The following ARL13A variants were observed in gnomAD, a reference collection of about 807,000 sequenced individuals.
ARL13A encodes ARF like GTPase 13A.
Under a neutral mutation model 19.1 loss-of-function variants are expected in ARL13A, and 16 were observed. The ratio of observed to expected loss-of-function variants is 0.84; its 90% CI spans 0.57 to 1.27. The LOEUF is 1.27. Ranked by LOEUF, ARL13A falls within the 50% of genes most tolerant of loss-of-function variation. The pLI is 0.00. For missense variants in ARL13A, 153 were observed against 186.4 expected (o/e 0.82, Z 1.04); for synonymous variants, 69 against 71.3 (o/e 0.97, Z 0.17).
At chrX:100,975,176 G>A (rs778764145) in intron 3 of ARL13A, among the ~76,000 whole-genome samples, 9 of 112,010 alleles carry the variant, frequency 8.0e-5, no homozygotes, top group South Asian at 3.7e-4. Flanking sequence ...GTTGGTCCCT[G>A]AGTCCTCCTC....
intron 3 of ARL13A, among the ~76,000 whole-genome samples, chrX:100,983,304 A>G (rs1054719376): frequency 9.0e-6 from 1 of 111,547 alleles, no homozygotes. Flanking sequence ...AAAAAAATAT[A>G]TAAAGCTTTT....
intron 7 of ARL13A, chrX:100,990,219 AC>A: frequency 2.5e-6 from 1 of 396,965 alleles, no homozygotes; most frequent in Non-Finnish European, 3.2e-6. Context: ...TGCAGTCTAT[AC>A]CCTGTTGGAA....
chrX:100,972,235 A>T (rs2085663406), intron 1 of ARL13A, among the ~76,000 whole-genome samples: 2 of 99,106 alleles, frequency 2.0e-5, no homozygotes, highest in South Asian at 1.1e-3. Context: ...GTTCTCAATG[A>T]GCTGTTGGGC....
intron 3 of ARL13A, among the ~76,000 whole-genome samples, chrX:100,984,160 C>G (rs2085903255): frequency 9.4e-6 from 1 of 106,618 alleles, no homozygotes; most frequent in Non-Finnish European, 1.9e-5. Context: ...GTCCCCCATG[C>G]TGGAGTGCAG....
rs189534398 is a variant in ARL13A, at chrX:100,982,507, A to G, written c.131-3160A>G. Among the ~76,000 whole-genome samples, 805 of 92,377 alleles carry G rather than the reference A, an allele frequency of 8.7e-3. 7 individuals are homozygous for G. The highest frequency in any genetic ancestry group is 0.029 in the African/African-American group (764 of 26,091). The allele number at this position is 92,377 out of a possible 115,157, so 80.2% of individuals were successfully genotyped here. A position where few individuals can be genotyped will look rare whatever the true frequency, so the allele number is the denominator to read the frequency against. On this transcript the variant is annotated intron_variant, in intron 3 of 7. Coordinates refer to ENST00000450049, the MANE Select transcript of ARL13A (RefSeq NM_001162491.2). ...TAAATAAATAAATAAATAAATAAAT[A>G]AAATGCTCTACAGGTGATCATGGAG...
intron 3 of ARL13A, among the ~76,000 whole-genome samples, chrX:100,975,631 CTTT>C (rs375014043): frequency 2.0e-5 from 2 of 97,930 alleles, no homozygotes; most frequent in Admixed American, 1.1e-4. Context: ...ATTTTCTTTG[CTTT>C]TTTTTTTTTT....
chrX:100,974,801 CCAAT>C (rs1394469703), intron 3 of ARL13A, among the ~76,000 whole-genome samples: 1 of 111,849 alleles, frequency 8.9e-6, no homozygotes, highest in East Asian at 2.8e-4. Context: ...TTATTAAGGA[CCAAT>C]CAAAGAAGCC....
At chrX:100,983,345 A>C (rs1466052959) in intron 3 of ARL13A, among the ~76,000 whole-genome samples, 1 of 110,952 alleles carries the variant, frequency 9.0e-6, no homozygotes, top group Non-Finnish European at 1.9e-5. Context: ...TATTACCTTT[A>C]GAGTTTTAAC....
Position 100,974,131 on chromosome X carries a change from G to C in ARL13A, c.64G>C (p.Val22Leu). The change falls in exon 3 of 8, where the codon GTG becomes CTG. Residue 22 changes from valine (V) to leucine (L), a missense_variant. By Grantham distance (32) the Val-to-Leu change is conservative. Transcript: ENST00000450049. ...ATTTTTCTTTTTCATTTCTAGGAAT[G>C]TGACCATCCCTATCATTGGCTTGAA... The part of the protein sequence containing the change: ...LRTTEETRRN[V>L]TIPIIGLNNS... The C allele has an allele frequency of 8.4e-7, 1 of 1,188,815 alleles. No individual in the cohort carries two copies. Among genetic ancestry groups the C allele is most frequent in the Non-Finnish European group, 1.1e-6 (1 of 882,526 alleles).
At chrX:100,990,535 T>C (rs1238742187) in intron 7 of ARL13A, 27 bp from the exon 8 acceptor site, 8 of 1,122,260 alleles carry the variant, frequency 7.1e-6, no homozygotes, top group African/African-American at 1.9e-5. Context: ...TGAGAACCCC[T>C]GTTGTTCCTG....
intron 3 of ARL13A, among the ~76,000 whole-genome samples, chrX:100,975,829 T>C (rs1200857703): frequency 9.1e-6 from 1 of 110,228 alleles, no homozygotes; most frequent in African/African-American, 3.3e-5. Flanking sequence ...AGATGGGGTT[T>C]CACCATGTTG....
intron 1 of ARL13A, among the ~76,000 whole-genome samples, chrX:100,973,363 G>A (rs1249791552): frequency 1.0e-5 from 1 of 98,080 alleles, no homozygotes; most frequent in East Asian, 3.4e-4. Context: ...CAAGGCAGGC[G>A]GCTGCTCCTT....
At chrX:100,990,291 C>G in intron 7 of ARL13A, 1 of 840,741 alleles carries the variant, frequency 1.2e-6, no homozygotes, top group Non-Finnish European at 1.4e-6. Context: ...TGGCACTTGG[C>G]TTCACTTACA....
intron 3 of ARL13A, among the ~76,000 whole-genome samples, chrX:100,977,131 G>T: frequency 9.0e-6 from 1 of 110,608 alleles, no homozygotes; most frequent in Non-Finnish European, 1.9e-5. Context: ...ATCAAATCAG[G>T]GTAAATGGGG....
Position 100,986,873 on chromosome X carries a change from T to G in ARL13A, c.458T>G (p.Val153Gly). Residue 153 changes from valine to glycine, a missense_variant, in exon 5 of 8, where the codon GTG (valine) becomes GGG (glycine). By Grantham distance (109) the Val-to-Gly change is moderately radical. Coordinates refer to ENST00000450049, the MANE Select transcript of ARL13A (RefSeq NM_001162491.2). The stretch of plus-strand genomic sequence containing the variant: ...GACTATCTACTTCTAAAGAAGCTAG[T>G]GAAAGAGAATAAGTGCCCATGCCGA... The part of the protein sequence containing the change: ...IIDYLLLKKL[V>G]KENKCPCRVE... The G allele has an allele frequency of 8.3e-7, 1 of 1,199,331 alleles. No individual in the cohort carries two copies.
At chrX:100,982,052 G>C (rs1055227337) in intron 3 of ARL13A, among the ~76,000 whole-genome samples, 1 of 110,423 alleles carries the variant, frequency 9.1e-6, no homozygotes, top group Non-Finnish European at 1.9e-5. Flanking sequence ...CCAACCACTG[G>C]CACAAGCAGG....
intron 3 of ARL13A, among the ~76,000 whole-genome samples, chrX:100,976,715 C>T (rs1174155389): frequency 1.8e-5 from 2 of 112,338 alleles, no homozygotes; most frequent in Admixed American, 9.4e-5. Flanking sequence ...TGGATTCAAC[C>T]GATTCTCCTG....
At chrX:100,972,620 G>A (rs2085679379) in intron 1 of ARL13A, among the ~76,000 whole-genome samples, 1 of 42,953 alleles carries the variant, frequency 2.3e-5, no homozygotes, top group Non-Finnish European at 4.6e-5. Context: ...GCCGGGCAGA[G>A]GCGCCCCTCA....
intron 5 of ARL13A, 37 bp downstream of exon 5, chrX:100,986,938 G>A (rs745850153): frequency 7.0e-6 from 7 of 997,681 alleles, no homozygotes; most frequent in Non-Finnish European, 9.7e-6. Context: ...TTCCTCTGGA[G>A]CCCAGCTGAT....
Sources: gnomAD v4.1 joint callset for allele counts (sites outside exome capture counted in the v4.1 genomes callset) on GRCh38, gnomAD v4.1.1 for gene constraint, MANE v1.5 for transcripts, NCBI Gene and HGNC (gene_info 2026-07-23, HGNC 2026-07-21) for gene names.